The following LMNTD1 variants were observed in gnomAD, a reference collection of about 807,000 sequenced individuals.
LMNTD1 encodes lamin tail domain containing 1, also known as lamin tail domain-containing protein 1.
In LMNTD1, 35 loss-of-function variants were observed where a neutral mutation model predicts 50.9. The ratio of observed to expected loss-of-function variants is 0.69; its 90% CI spans 0.53 to 0.91. The LOEUF (loss-of-function observed/expected upper bound fraction) is 0.91, where lower values mean the gene tolerates loss of function less well. Among genes scored for constraint, LMNTD1 ranks in the 40% least tolerant of loss-of-function variants. LMNTD1 has a pLI of 0.00. For missense variants in LMNTD1, 470 were observed against 475.5 expected (o/e 0.99, Z 0.11); for synonymous variants, 153 against 161.9 (o/e 0.94, Z 0.42).
chr12:25,632,123 T>A (rs550762278), intron 1 of LMNTD1, among the ~76,000 whole-genome samples: 4 of 152,066 alleles, frequency 2.6e-5, no homozygotes, highest in Non-Finnish European at 5.9e-5. Context: ...TAAGAAAATA[T>A]GAACAAAGCC....
At chr12:25,500,454 A>G (rs1035565545) in intron 9 of LMNTD1, among the ~76,000 whole-genome samples, 2 of 152,184 alleles carry the variant, frequency 1.3e-5, no homozygotes, top group African/African-American at 4.8e-5. Context: ...ATATGTGAAC[A>G]TAGCTCAGTT....
chr12:25,572,582 G>C (rs1944840902), intron 1 of LMNTD1, among the ~76,000 whole-genome samples: 1 of 152,080 alleles, frequency 6.6e-6, no homozygotes, highest in Non-Finnish European at 1.5e-5. Context: ...GGTTACACTG[G>C]GGAGGAGGGG....
In LMNTD1 at chr12:25,481,904, CACAT is replaced by C. The variant is rs758884107; in HGVS notation, c.*23-5448_*23-5445del. 5.6e-4 allele frequency among the ~76,000 whole-genome samples: 83 copies of C among 147,474 alleles called. 1 individual carries two copies. The highest frequency in any genetic ancestry group is 1.8e-3 in the African/African-American group (71 of 38,704). On this transcript the variant is annotated intron_variant, in intron 9 of 9. Coordinates refer to ENST00000458174, the MANE Select transcript of LMNTD1 (RefSeq NM_001145728.2). ...ACACACACACACACACACACACACA[CACAT>C]ATAGTGAAAGGTGGTTGAAAAATTT...
chr12:25,601,902 T>C (rs965071302), intron 1 of LMNTD1, among the ~76,000 whole-genome samples: 5 of 151,954 alleles, frequency 3.3e-5, no homozygotes, highest in African/African-American at 1.2e-4. Context: ...TCCATCACCT[T>C]AAACATTTAT....
chr12:25,543,333 C>A (rs1264421589), intron 4 of LMNTD1, among the ~76,000 whole-genome samples: 6 of 151,834 alleles, frequency 4.0e-5, no homozygotes, highest in Non-Finnish European at 7.4e-5. Flanking sequence ...AACTACAGAC[C>A]AATAATCTTT....
At chr12:25,542,620 TA>T (rs1160494019) in intron 4 of LMNTD1, among the ~76,000 whole-genome samples, 1 of 151,034 alleles carries the variant, frequency 6.6e-6, no homozygotes, top group Non-Finnish European at 1.5e-5. Flanking sequence ...TACCTAATGC[TA>T]GATGACGAGT....
chr12:25,566,789 C>T (rs970576485), intron 1 of LMNTD1, among the ~76,000 whole-genome samples: 5 of 152,124 alleles, frequency 3.3e-5, no homozygotes, highest in South Asian at 4.1e-4. Context: ...TAGCAACGGG[C>T]GTCAATGAAG....
intron 1 of LMNTD1, among the ~76,000 whole-genome samples, chr12:25,608,974 T>C (rs915972760): frequency 3.3e-5 from 5 of 152,248 alleles, no homozygotes; most frequent in Non-Finnish European, 5.9e-5. Context: ...AACGTAGATT[T>C]GGTCTTTTCA....
At chr12:25,573,908 T>G (rs557604171) in intron 1 of LMNTD1, among the ~76,000 whole-genome samples, 1 of 152,284 alleles carries the variant, frequency 6.6e-6, no homozygotes, top group African/African-American at 2.4e-5. Context: ...CACCCTGCCC[T>G]AGATATCCCT....
chr12:25,540,802 G>A lies in LMNTD1; in HGVS notation c.491+5572C>T, dbSNP rs1277594797. Among the ~76,000 whole-genome samples, 795 of 117,912 alleles carry A rather than the reference G, an allele frequency of 6.7e-3. 8 individuals carry two copies. Among genetic ancestry groups the A allele is most frequent in the African/African-American group, 0.023 (750 of 33,306 alleles). 77.4% of individuals were successfully genotyped at this position (117,912 alleles called of 152,430 possible). ...AGTCAAACTGTCCCTGTTTGCAGAT[G>A]ACATGATTGTATATCTAGAAAACCC... On this transcript the variant is annotated intron_variant, in intron 4 of 9. Coordinates refer to ENST00000458174, the MANE Select transcript of LMNTD1 (RefSeq NM_001145728.2).
intron 4 of LMNTD1, among the ~76,000 whole-genome samples, chr12:25,528,840 A>G (rs919643424): frequency 6.6e-6 from 1 of 152,034 alleles, no homozygotes; most frequent in Non-Finnish European, 1.5e-5. Context: ...CTCCCTCTGG[A>G]CTACCTATTT....
At chr12:25,582,341 T>C (rs544737323) in intron 1 of LMNTD1, 13 of 152,370 alleles carry the variant, frequency 8.5e-5, no homozygotes, top group African/African-American at 3.1e-4. Context: ...CTTATCATCC[T>C]ATGATGTAAT....
rs770338111 is a variant in LMNTD1, at chr12:25,526,107, T to C, written c.790A>G (p.Asn264Asp). Residue 264 changes from asparagine (N) to aspartate (D), a missense_variant, in exon 6 of 10, where the codon AAC becomes GAC. Asn to Asp is a conservative substitution (Grantham distance 23, BLOSUM62 1). Transcript: ENST00000458174. Reference sequence around the variant, plus strand: ...AAGAACCAGAAACTAACTTGACCGTTCGGTTTGCACAGGATTGTTATACAA... The same window carrying C: ...AAGAACCAGAAACTAACTTGACCGTCCGGTTTGCACAGGATTGTTATACAA... ...PDCITILCKP[N>D]GQAIAWYTPI... The C allele has an allele frequency of 2.0e-5, 32 of 1,574,406 alleles. No homozygotes were observed. The highest frequency in any genetic ancestry group is 2.6e-5 in the Non-Finnish European group (30 of 1,163,722).
At chr12:25,632,746 C>G (rs1419275035) in intron 1 of LMNTD1, among the ~76,000 whole-genome samples, 1 of 151,734 alleles carries the variant, frequency 6.6e-6, no homozygotes, top group East Asian at 1.9e-4. Flanking sequence ...AGTTAAAAAG[C>G]AAAAACAAAA....
At chr12:25,487,436 A>G (rs952159496) in intron 9 of LMNTD1, among the ~76,000 whole-genome samples, 3 of 134,586 alleles carry the variant, frequency 2.2e-5, no homozygotes, top group Non-Finnish European at 4.7e-5. Context: ...AGTCTGTTTT[A>G]TCAGAGACTA....
intron 1 of LMNTD1, among the ~76,000 whole-genome samples, chr12:25,609,128 G>T (rs1002475977): frequency 6.6e-6 from 1 of 152,114 alleles, no homozygotes; most frequent in Non-Finnish European, 1.5e-5. Context: ...ACTGAAGCTT[G>T]TGCATGCATC....
At chr12:25,576,152 T>C (rs1250353359) in intron 1 of LMNTD1, among the ~76,000 whole-genome samples, 3 of 152,144 alleles carry the variant, frequency 2.0e-5, no homozygotes, top group Non-Finnish European at 4.4e-5. Context: ...AATAAACATA[T>C]GTGTGCATGT....
At chr12:25,497,317 G>T (rs73296496) in intron 9 of LMNTD1, among the ~76,000 whole-genome samples, 1 of 151,916 alleles carries the variant, frequency 6.6e-6, no homozygotes, top group Admixed American at 6.6e-5. Context: ...TTCAACGGCC[G>T]GCGGGAAGCA....
intron 1 of LMNTD1, among the ~76,000 whole-genome samples, chr12:25,599,773 G>A (rs192984869): frequency 8.6e-5 from 13 of 151,708 alleles, no homozygotes; most frequent in Admixed American, 7.9e-4. Context: ...TAAAAACTAT[G>A]AAACGCTGAC....
Sources: gnomAD v4.1 joint callset for allele counts (sites outside exome capture counted in the v4.1 genomes callset) on GRCh38, gnomAD v4.1.1 for gene constraint, MANE v1.5 for transcripts, NCBI Gene and HGNC (gene_info 2026-07-23, HGNC 2026-07-21) for gene names.